PLXNA4: variants seen among roughly 807,000 people sequenced by gnomAD.
PLXNA4 encodes plexin A4.
A neutral mutation model predicts 191.8 loss-of-function variants in PLXNA4; 44 were observed. The ratio of observed to expected loss-of-function variants is 0.23; its 90% CI spans 0.18 to 0.29. The LOEUF is 0.29. Among genes scored for constraint, PLXNA4 ranks in the 10% least tolerant of loss-of-function variants. The probability of loss-of-function intolerance (pLI) is 1.00; values close to 1 mark genes in which losing one functional copy is unlikely to be tolerated. For synonymous variants in PLXNA4, 1,082 were observed against 1,009.5 expected (o/e 1.07, Z -1.36); for missense variants, 1,800 against 2,488.8 (o/e 0.72, Z 5.89).
chr7:132,562,357 C>G (rs1304370564), intron 1 of PLXNA4, among the ~76,000 whole-genome samples: 2 of 102,844 alleles, frequency 1.9e-5, no homozygotes, highest in Admixed American at 1.9e-4. Context: ...CTCCTTCCTC[C>G]TCCTCCTCTG....
intron 4 of PLXNA4, among the ~76,000 whole-genome samples, chr7:132,270,162 T>G (rs935236724): frequency 2.2e-4 from 33 of 152,210 alleles, no homozygotes; most frequent in African/African-American, 6.0e-4. Context: ...TGCCATAAAA[T>G]AAATGCTTAT....
chr7:132,149,040 T>C (rs1222464331), intron 25 of PLXNA4, among the ~76,000 whole-genome samples: 1 of 152,174 alleles, frequency 6.6e-6, no homozygotes, highest in African/African-American at 2.4e-5. Context: ...CGTGACTTGT[T>C]TGGAAGCTCT....
chr7:132,241,840 A>G (rs567152114), intron 4 of PLXNA4, among the ~76,000 whole-genome samples: 21 of 152,258 alleles, frequency 1.4e-4, no homozygotes, highest in Non-Finnish European at 2.6e-4. Context: ...CACTCTTTTC[A>G]TGACTAGAGG....
rs6952908 is a variant in PLXNA4, at chr7:132,432,022, T to C, written c.1371+57270A>G. On this transcript the variant is annotated intron_variant, in intron 3 of 31. Coordinates refer to ENST00000321063, the MANE Select transcript of PLXNA4 (RefSeq NM_020911.2). ...TACTGCCTACTGGTGGCCTCTGTCA[T>C]GAGCTCTCCCCCACACCTTTTTAGA... is the stretch of plus-strand genomic sequence containing the variant. 6.1e-3 allele frequency among the ~76,000 whole-genome samples: 930 copies of C among 152,264 alleles called. 12 individuals are homozygous for C. The highest frequency in any genetic ancestry group is 0.021 in the African/African-American group (877 of 41,564).
intron 1 of PLXNA4, among the ~76,000 whole-genome samples, chr7:132,538,568 T>C (rs946629000): frequency 3.3e-5 from 5 of 152,224 alleles, no homozygotes; most frequent in African/African-American, 1.2e-4. Flanking sequence ...CCTTTGAAAT[T>C]TCTGAATCTC....
intron 2 of PLXNA4, among the ~76,000 whole-genome samples, chr7:132,500,661 C>G (rs1229462257): frequency 6.6e-6 from 1 of 152,056 alleles, no homozygotes; most frequent in Non-Finnish European, 1.5e-5. Context: ...TTTCTGTCCC[C>G]TTGGGTGGTT....
chr7:132,248,327 C>T (rs1799130495), intron 4 of PLXNA4, among the ~76,000 whole-genome samples: 1 of 152,162 alleles, frequency 6.6e-6, no homozygotes, highest in South Asian at 2.1e-4. Flanking sequence ...AGGGAGCTGA[C>T]ATGCAATTGC....
chr7:132,390,423 CG>C (rs1805355326), intron 3 of PLXNA4, among the ~76,000 whole-genome samples: 1 of 151,402 alleles, frequency 6.6e-6, no homozygotes, highest in South Asian at 2.1e-4. Flanking sequence ...GTCGGGGGGT[CG>C]GGGGCTAGGG....
At position 132,174,847 on chromosome 7, in the gene PLXNA4, G is replaced by C; in HGVS notation, c.3948C>G (p.Asp1316Glu). The change falls in exon 21 of 32, where the codon GAC becomes GAG. Residue 1316 changes from aspartate (D) to glutamate (E), a missense_variant. Physicochemically the swap from Asp to Glu is conservative, Grantham distance 45. This residue lies in a region of PLXNA4 where 1,397 missense variants were observed against 1,880.4 expected (regional missense o/e 0.74). Transcript: ENST00000321063. ...GCACCCGCATGGTGTAAGTTCTATA[G>C]TCCAGGAACGGAATCCCGGCTCCAT... ...DLDGAGIPFL[D>E]YRTYTMRVLF... 1 of 1,614,218 alleles carries C rather than the reference G, an allele frequency of 6.2e-7. No homozygotes were observed. The highest frequency in any genetic ancestry group is 8.5e-7 in the Non-Finnish European group (1 of 1,180,040).
At chr7:132,321,732 G>A (rs1350262024) in intron 3 of PLXNA4, among the ~76,000 whole-genome samples, 3 of 152,198 alleles carry the variant, frequency 2.0e-5, no homozygotes, top group African/African-American at 7.2e-5. Flanking sequence ...TTAAAGATGT[G>A]TCTGTGGTTG....
At chr7:132,345,559 C>T (rs1332706504) in intron 3 of PLXNA4, among the ~76,000 whole-genome samples, 1 of 152,192 alleles carries the variant, frequency 6.6e-6, no homozygotes, top group Non-Finnish European at 1.5e-5. Flanking sequence ...GGTTCTAACA[C>T]ACATGAGGTC....
intron 2 of PLXNA4, among the ~76,000 whole-genome samples, chr7:132,616,817 T>C (rs1330299614): frequency 6.6e-6 from 1 of 152,178 alleles, no homozygotes; most frequent in Non-Finnish European, 1.5e-5. Context: ...GGGTCATCTC[T>C]GTGGTAGACT....
intron 4 of PLXNA4, among the ~76,000 whole-genome samples, chr7:132,246,805 ATCC>A (rs200242797): frequency 6.8e-6 from 1 of 147,440 alleles, no homozygotes; most frequent in East Asian, 2.0e-4. Context: ...CATCATCATC[ATCC>A]TCATCATCAT....
intron 1 of PLXNA4, among the ~76,000 whole-genome samples, chr7:132,648,286 C>T (rs762976200): frequency 1.3e-5 from 2 of 152,194 alleles, no homozygotes; most frequent in Non-Finnish European, 2.9e-5. Flanking sequence ...TCAATAATTC[C>T]TGATTACTGA....
chr7:132,273,447 A>C (rs1800153773), intron 4 of PLXNA4, among the ~76,000 whole-genome samples: 1 of 152,188 alleles, frequency 6.6e-6, no homozygotes, highest in Admixed American at 6.5e-5. Context: ...AGCTTTGCTG[A>C]CTGACCTCAA....
chr7:132,447,093 T>C (rs941368039), intron 3 of PLXNA4, among the ~76,000 whole-genome samples: 2 of 152,146 alleles, frequency 1.3e-5, no homozygotes, highest in African/African-American at 2.4e-5. Context: ...AAATTCAGCA[T>C]TGATTTTTCT....
chr7:132,483,491 A>T (rs934751734), intron 3 of PLXNA4, among the ~76,000 whole-genome samples: 64 of 152,056 alleles, frequency 4.2e-4, no homozygotes, highest in Admixed American at 2.6e-3. Flanking sequence ...CATTTTAATG[A>T]TATGTTTTTG....
intron 3 of PLXNA4, among the ~76,000 whole-genome samples, chr7:132,366,492 C>T (rs1804191940): frequency 6.6e-6 from 1 of 151,824 alleles, no homozygotes; most frequent in Admixed American, 6.6e-5. Context: ...TGACTGCACT[C>T]CAGCCTGGGC....
chr7:132,550,081 A>G (rs1416601349), intron 1 of PLXNA4, among the ~76,000 whole-genome samples: 3 of 152,178 alleles, frequency 2.0e-5, no homozygotes, highest in African/African-American at 7.2e-5. Flanking sequence ...TGTGGGTTCT[A>G]TAAGGCTAGG....
Sources: allele counts gnomAD v4.1 joint callset (sites outside exome capture counted in the v4.1 genomes callset), GRCh38; gene constraint gnomAD v4.1.1; regional missense constraint gnomAD v4.1.1; transcripts MANE v1.5; gene names NCBI Gene and HGNC (gene_info 2026-07-23, HGNC 2026-07-21).